AKR7A3: variants seen among roughly 807,000 people sequenced by gnomAD.
AKR7A3 encodes the protein aldo-keto reductase family 7 member A3.
Under a neutral mutation model 32.5 loss-of-function variants are expected in AKR7A3, and 37 were observed. That is an observed-to-expected ratio of 1.14 (90% CI 0.88 to 1.50). The LOEUF is 1.50. AKR7A3 is among the 40% of genes most tolerant of loss of function. The pLI is 0.00. For synonymous variants in AKR7A3, 177 were observed against 188.4 expected (o/e 0.94, Z 0.50); for missense variants, 412 against 453.2 (o/e 0.91, Z 0.83).
the AKR7A3 span, among the ~76,000 whole-genome samples, chr1:19,277,071 A>G: frequency 2.6e-5 from 4 of 151,788 alleles, no homozygotes; most frequent in Non-Finnish European, 4.4e-5. Context: ...CCGAGGTTGC[A>G]CCACTGCACT....
At chr1:19,283,428 G>A (rs1161728728) in intron 6 of AKR7A3, among the ~76,000 whole-genome samples, 3 of 151,920 alleles carry the variant, frequency 2.0e-5, no homozygotes, top group Admixed American at 6.5e-5. Flanking sequence ...GTGAAACTCA[G>A]TTTCCTCGTC....
At chr1:19,274,259 G>C in the AKR7A3 span, 9 of 1,249,208 alleles carry the variant, frequency 7.2e-6, no homozygotes, top group Non-Finnish European at 8.3e-6. Flanking sequence ...TCTCAACCAC[G>C]AGGACCGTCT....
chr1:19,283,847 A>G, intron 6 of AKR7A3, 149 bp downstream of exon 6: 1 of 1,364,696 alleles, frequency 7.3e-7, no homozygotes, highest in Non-Finnish European at 9.8e-7. Flanking sequence ...AAAAAAACAT[A>G]GAAAAAGACC....
In AKR7A3 at chr1:19,284,055, T is replaced by A. The variant is rs772568783; in HGVS notation, c.775A>T (p.Ser259Cys). 1 of 1,613,712 alleles carries A rather than the reference T, an allele frequency of 6.2e-7. No homozygotes were observed. Among genetic ancestry groups the A allele is most frequent in the African/African-American group, 1.3e-5 (1 of 74,868 alleles). Residue 259 changes from serine (S) to cysteine (C), a missense_variant, in exon 6 of 7, where the codon AGC becomes TGC. Ser to Cys is a moderately radical substitution (Grantham distance 112). Coordinates refer to ENST00000361640, the MANE Select transcript of AKR7A3 (RefSeq NM_012067.3). ...EKALQAAYGASAPSMTSATLR... is the reference protein window; with the variant it reads ...EKALQAAYGACAPSMTSATLR... ...GTGGCCGAGGTCATGCTGGGGGCGC[T>A]GGCGCCATACGCGGCCTGCAGGGCC...
chr1:19,284,228 G>A, intron 5 of AKR7A3, 103 bp from the exon 6 acceptor site: 2 of 1,459,976 alleles, frequency 1.4e-6, no homozygotes, highest in Non-Finnish European at 9.1e-7. Flanking sequence ...GCAGCCCTGA[G>A]GGGCAGGTGT....
chr1:19,280,015 AG>A (rs1348561909), downstream of AKR7A3, among the ~76,000 whole-genome samples: 1 of 151,716 alleles, frequency 6.6e-6, no homozygotes, highest in Admixed American at 6.6e-5. Context: ...AGTGTGGCCC[AG>A]GGAAACCAAA....
Position 19,285,950 on chromosome 1 carries a change from C to A in AKR7A3, c.445G>T (p.Glu149Ter). ...CAGAGGGTACAGATCTCGGCCACTT[C>A]CCAGGCTGCATAGTTGGAGAGGCCA... ...ELGLSNYAAW[E>*]VAEICTLCKS... The change falls in exon 3 of 7, where the codon GAA becomes TAA. Residue 149 changes from glutamate (E) to a stop codon, truncating the protein, a stop_gained. Transcript: ENST00000361640. LOFTEE classifies it high-confidence loss of function. 1 of 1,613,622 alleles carries A rather than the reference C, an allele frequency of 6.2e-7. No individual in the cohort carries two copies. The highest frequency in any genetic ancestry group is 8.5e-7 in the Non-Finnish European group (1 of 1,179,902).
In AKR7A3 at chr1:19,284,743, C is replaced by T. The variant is rs1465120255; in HGVS notation, c.647G>A (p.Gly216Glu). 3 of 1,613,706 alleles carry T rather than the reference C, an allele frequency of 1.9e-6. No individual in the cohort carries two copies. Among genetic ancestry groups the T allele is most frequent in the Admixed American group, 3.3e-5 (2 of 59,998 alleles). ...TGKYKYEDKN[G>E]KQPVGRFFGN... ...AAAGAAGCGGCCCACGGGCTGTTTC[C>T]CATTCTTGTCCTCATACTTGTACTT... Residue 216 changes from glycine to glutamate, a missense_variant, in exon 5 of 7, where the codon GGG becomes GAG. Physicochemically the swap from Gly to Glu is moderately conservative, Grantham distance 98 (BLOSUM62 -2). Coordinates refer to ENST00000361640, the MANE Select transcript of AKR7A3 (RefSeq NM_012067.3).
downstream of AKR7A3, among the ~76,000 whole-genome samples, chr1:19,279,955 G>C (rs1302748659): frequency 6.6e-6 from 1 of 151,156 alleles, no homozygotes; most frequent in Admixed American, 6.6e-5. Context: ...ATCAGCCATC[G>C]TTAGTGTGAG....
Position 19,288,713 on chromosome 1 carries a change from G to A in AKR7A3, c.-4C>T, listed in dbSNP as rs1204152540. ...CCCGCGACAGCTGCCGGGACATGAC[G>A]GCGGCAACGGGAGACTGTGACAGCC... is the stretch of plus-strand genomic sequence containing the variant. On this transcript the variant is annotated 5_prime_UTR_variant, in exon 1 of 7. Coordinates refer to ENST00000361640, the MANE Select transcript of AKR7A3 (RefSeq NM_012067.3). 4.7e-6 allele frequency: 7 copies of A among 1,485,688 alleles called. No homozygotes were observed. In the African/African-American group the frequency reaches 5.7e-5, roughly 12 times the overall value. The allele number at this position is 1,485,688 out of a possible 1,614,324, so 92.0% of individuals were successfully genotyped here.
downstream of AKR7A3, among the ~76,000 whole-genome samples, chr1:19,278,565 A>G (rs2093714251): frequency 6.6e-6 from 1 of 151,776 alleles, no homozygotes; most frequent in South Asian, 2.1e-4. Flanking sequence ...CATCTCAAAA[A>G]AGAAAAAAAC....
chr1:19,283,863 G>C, intron 6 of AKR7A3, 133 bp downstream of exon 6: 1 of 1,453,928 alleles, frequency 6.9e-7, no homozygotes, highest in Non-Finnish European at 9.2e-7. Context: ...AGACCAGTGG[G>C]AAGAATGTTT....
At chr1:19,287,343 C>T (rs2093732528) in intron 1 of AKR7A3, among the ~76,000 whole-genome samples, 1 of 151,412 alleles carries the variant, frequency 6.6e-6, no homozygotes, top group Non-Finnish European at 1.5e-5. Context: ...GGTTAGAGCT[C>T]TCACTGAGTG....
At chr1:19,279,221 C>A (rs890301149), downstream of AKR7A3, among the ~76,000 whole-genome samples, 4 of 151,958 alleles carry the variant, frequency 2.6e-5, 1 homozygote, top group African/African-American at 9.7e-5. Flanking sequence ...CTTGGCCTCC[C>A]AAAGTACTGA....
At position 19,282,906 on chromosome 1, in the gene AKR7A3, G is replaced by A. The variant is rs373093436; in HGVS notation, c.835-14C>T. 341 of 1,606,970 alleles carry A rather than the reference G, an allele frequency of 2.1e-4. 2 individuals carry two copies. In the South Asian group the frequency reaches 3.3e-3, roughly 15 times the overall value. ...CCCGTGGGCACCCTGCAAGGGAGAC[G>A]GCCAGACTTCAACCCTCTTCTGCTG... is the stretch of plus-strand genomic sequence containing the variant. On this transcript the variant is annotated splice_polypyrimidine_tract_variant and intron_variant, in intron 6 of 6. Coordinates refer to ENST00000361640, the MANE Select transcript of AKR7A3 (RefSeq NM_012067.3).
intron 1 of AKR7A3, among the ~76,000 whole-genome samples, chr1:19,287,151 T>C (rs1262009320): frequency 6.6e-6 from 1 of 151,136 alleles, no homozygotes; most frequent in African/African-American, 2.5e-5. Flanking sequence ...CAATGAATAA[T>C]ACAAAAAATT....
chr1:19,276,797 G>A, the AKR7A3 span, among the ~76,000 whole-genome samples: 2 of 151,090 alleles, frequency 1.3e-5, no homozygotes, highest in African/African-American at 2.5e-5. Context: ...GTGAGATTCC[G>A]TCTTAAAAAA....
downstream of AKR7A3, among the ~76,000 whole-genome samples, chr1:19,280,849 T>C (rs146253990): frequency 0.028 from 4,278 of 151,770 alleles, 77 homozygotes; most frequent in South Asian, 0.053. Flanking sequence ...GGATTACAGG[T>C]ATGAGCCACC....
At chr1:19,276,194 C>T in the AKR7A3 span, among the ~76,000 whole-genome samples, 1 of 151,370 alleles carries the variant, frequency 6.6e-6, no homozygotes, top group Non-Finnish European at 1.5e-5. Context: ...AACCCCGTCT[C>T]TACTAAAAAT....
Sources: allele counts gnomAD v4.1 joint callset (sites outside exome capture counted in the v4.1 genomes callset), GRCh38; gene constraint gnomAD v4.1.1; transcripts MANE v1.5; gene names NCBI Gene and HGNC (gene_info 2026-07-23, HGNC 2026-07-21).